The following RBFOX1 variants were observed in gnomAD, a reference collection of about 807,000 sequenced individuals.
The protein encoded by RBFOX1 is RNA binding protein fox-1 homolog 1.
In RBFOX1, 8 loss-of-function variants were observed where a neutral mutation model predicts 57.7. That is an observed-to-expected ratio of 0.14 (90% CI 0.08 to 0.25). The LOEUF is 0.25. Ranked by LOEUF, RBFOX1 falls within the 10% of genes least tolerant of loss-of-function variation. RBFOX1 has a pLI of 1.00. For synonymous variants in RBFOX1, 326 were observed against 222.4 expected, an observed-to-expected ratio of 1.47 and a Z score of -4.15; for missense variants, 611 against 548.5, an observed-to-expected ratio of 1.11 and a Z score of -1.14.
chr16:7,238,738 C>T (rs943847252), intron 4 of RBFOX1, among the ~76,000 whole-genome samples: 2 of 152,126 alleles, frequency 1.3e-5, no homozygotes, highest in East Asian at 1.9e-4. Context: ...ATTTCATCAC[C>T]CAGGTGTTAA....
At chr16:6,447,610 A>G (rs879710853) in intron 2 of RBFOX1, among the ~76,000 whole-genome samples, 3 of 152,172 alleles carry the variant, frequency 2.0e-5, no homozygotes, top group Non-Finnish European at 4.4e-5. Context: ...ATGAATGCAT[A>G]CTGTGTATCT....
At chr16:7,613,327 G>A (rs1002902325) in intron 10 of RBFOX1, among the ~76,000 whole-genome samples, 1 of 152,168 alleles carries the variant, frequency 6.6e-6, no homozygotes, top group Non-Finnish European at 1.5e-5. Flanking sequence ...AAGGTGGTCA[G>A]GTCTTGAAAC....
chr16:5,788,945 T>A (rs2054600285), intron 3 of RBFOX1, among the ~76,000 whole-genome samples: 1 of 152,164 alleles, frequency 6.6e-6, no homozygotes, highest in Non-Finnish European at 1.5e-5. Flanking sequence ...GAAGCCTCTT[T>A]CAAGACATTT....
At chr16:7,098,124 T>C (rs1342152553) in intron 4 of RBFOX1, among the ~76,000 whole-genome samples, 1 of 152,154 alleles carries the variant, frequency 6.6e-6, no homozygotes, top group Non-Finnish European at 1.5e-5. Context: ...ACACAATTAG[T>C]TAATGGAAGA....
intron 1 of RBFOX1, among the ~76,000 whole-genome samples, chr16:5,267,867 A>C (rs1176907013): frequency 6.6e-6 from 1 of 152,078 alleles, no homozygotes; most frequent in Non-Finnish European, 1.5e-5. Flanking sequence ...GGATCACTTG[A>C]GGTCAGGAGT....
At chr16:7,306,123 C>G (rs575226217) in intron 4 of RBFOX1, among the ~76,000 whole-genome samples, 11 of 152,184 alleles carry the variant, frequency 7.2e-5, no homozygotes, top group Non-Finnish European at 1.0e-4. Context: ...AAGTAGAATG[C>G]TATAGGTACT....
intron 3 of RBFOX1, among the ~76,000 whole-genome samples, chr16:6,766,844 C>T (rs1374354190): frequency 6.6e-6 from 1 of 151,936 alleles, no homozygotes; most frequent in Non-Finnish European, 1.5e-5. Flanking sequence ...GGGAGGGGAT[C>T]TGGGGAAGCA....
intron 4 of RBFOX1, among the ~76,000 whole-genome samples, chr16:7,330,363 GTA>G (rs1350484265): frequency 1.5e-5 from 2 of 135,678 alleles, no homozygotes; most frequent in African/African-American, 5.7e-5. Context: ...CAAACAGTCT[GTA>G]TATGTTCAGT....
chr16:5,825,032 T>C lies in RBFOX1; in HGVS notation c.319-42271T>C, dbSNP rs115288832. 5.3e-3 allele frequency among the ~76,000 whole-genome samples: 802 copies of C among 152,270 alleles called. 5 individuals carry two copies. Among genetic ancestry groups the C allele is most frequent in the African/African-American group, 0.018 (767 of 41,552 alleles). On this transcript the variant is annotated intron_variant, in intron 3 of 19. Coordinates refer to the RBFOX1 transcript ENST00000641259. ...TGTGGAATGATGTTTTTGCAAGCTTTCCAATCCATGGCCTGGAGAGTTTGA... is the reference window on the plus strand; with the variant it reads ...TGTGGAATGATGTTTTTGCAAGCTTCCCAATCCATGGCCTGGAGAGTTTGA...
Position 7,094,801 on chromosome 16 carries a change from G to A in RBFOX1, c.27+42703G>A, listed in dbSNP as rs549760341. On this transcript the variant is annotated intron_variant, in intron 4 of 15. Coordinates refer to ENST00000550418, the MANE Select transcript of RBFOX1 (RefSeq NM_018723.4). Reference sequence around the variant, plus strand: ...GGGTGTGTGTGTGTGTTGAGAGAGAGAGAGATTGAGACAGAGGGTAAGAGA... The same window carrying A: ...GGGTGTGTGTGTGTGTTGAGAGAGAAAGAGATTGAGACAGAGGGTAAGAGA... Among the ~76,000 whole-genome samples, 207 of 124,964 alleles carry A rather than the reference G, an allele frequency of 1.7e-3. 2 individuals are homozygous for A. The highest frequency in any genetic ancestry group is 5.3e-3 in the African/African-American group (197 of 37,010). The allele number at this position is 124,964 out of a possible 152,430, so 82.0% of individuals were successfully genotyped here. A position where few individuals can be genotyped will look rare whatever the true frequency, so the allele number is the denominator to read the frequency against.
At chr16:6,123,491 G>T (rs1483693011) in intron 1 of RBFOX1, among the ~76,000 whole-genome samples, 1 of 152,138 alleles carries the variant, frequency 6.6e-6, no homozygotes, top group African/African-American at 2.4e-5. Flanking sequence ...AGGTTACCAG[G>T]GGCTGAAATG....
chr16:6,060,912 T>C (rs1318489334), intron 1 of RBFOX1, among the ~76,000 whole-genome samples: 3 of 152,226 alleles, frequency 2.0e-5, no homozygotes, highest in Non-Finnish European at 2.9e-5. Context: ...TGTAGATTTC[T>C]TTCCCACATA....
At chr16:7,439,639 G>T (rs1169545425) in intron 4 of RBFOX1, among the ~76,000 whole-genome samples, 1 of 152,170 alleles carries the variant, frequency 6.6e-6, no homozygotes, top group Admixed American at 6.5e-5. Flanking sequence ...TTTTCCTGAA[G>T]ATAAATTTTA....
chr16:7,014,356 T>A (rs561350080), intron 3 of RBFOX1, among the ~76,000 whole-genome samples: 1 of 152,148 alleles, frequency 6.6e-6, no homozygotes, highest in East Asian at 1.9e-4. Flanking sequence ...AGGATTACAG[T>A]CATGCATCAC....
At chr16:5,340,019 C>T (rs1019557407) in intron 1 of RBFOX1, among the ~76,000 whole-genome samples, 2 of 152,138 alleles carry the variant, frequency 1.3e-5, no homozygotes, top group Non-Finnish European at 2.9e-5. Context: ...TTCGTTCTCC[C>T]AGTGAGCAGC....
intron 4 of RBFOX1, among the ~76,000 whole-genome samples, chr16:7,474,323 CCCATCTCTCTCAGCTGTT>C (rs1450735897): frequency 6.6e-6 from 1 of 152,044 alleles, no homozygotes; most frequent in African/African-American, 2.4e-5. Context: ...AAAGCAGCCC[CCCATCTCTCTCAGCTGTT>C]ATGCTGCTGA....
At chr16:6,533,851 C>T in intron 2 of RBFOX1, among the ~76,000 whole-genome samples, 1 of 152,034 alleles carries the variant, frequency 6.6e-6, no homozygotes, top group East Asian at 1.9e-4. Flanking sequence ...ACAGTACGTA[C>T]TAAACATAAA....
intron 4 of RBFOX1, among the ~76,000 whole-genome samples, chr16:7,193,364 T>A (rs2085895493): frequency 6.6e-6 from 1 of 152,190 alleles, no homozygotes; most frequent in African/African-American, 2.4e-5. Context: ...GAAAAGAACA[T>A]GCCCCACAAA....
intron 3 of RBFOX1, among the ~76,000 whole-genome samples, chr16:7,019,329 A>T (rs376116289): frequency 6.6e-6 from 1 of 152,174 alleles, no homozygotes; most frequent in African/African-American, 2.4e-5. Flanking sequence ...AATTTTTCAT[A>T]TAAAATGAAT....
Sources: gnomAD v4.1 joint callset for allele counts (sites outside exome capture counted in the v4.1 genomes callset) on GRCh38, gnomAD v4.1.1 for gene constraint, MANE v1.5 for transcripts, NCBI Gene and HGNC (gene_info 2026-07-23, HGNC 2026-07-21) for gene names.